The following MAP3K13 variants were observed in gnomAD, a reference collection of about 807,000 sequenced individuals.
MAP3K13 encodes mitogen-activated protein kinase kinase kinase 13.
A neutral mutation model predicts 104.0 loss-of-function variants in MAP3K13; 52 were observed. That is an observed-to-expected ratio of 0.50 (90% CI 0.40 to 0.63). MAP3K13 has a LOEUF of 0.63. MAP3K13 is among the 20% of genes least tolerant of loss of function. The pLI, the probability that MAP3K13 is intolerant of heterozygous loss-of-function variation, is 0.00. For synonymous variants in MAP3K13, 394 were observed against 442.2 expected (o/e 0.89, Z 1.37); for missense variants, 914 against 1,218.5 (o/e 0.75, Z 3.72).
intron 1 of MAP3K13, among the ~76,000 whole-genome samples, chr3:185,381,966 A>C (rs62290218): frequency 0.078 from 11,815 of 152,258 alleles, 591 homozygotes; most frequent in Admixed American, 0.14. Flanking sequence ...GCTATTATGA[A>C]TAACAAGACT....
At chr3:185,317,705 C>T (rs1360116224) in intron 2 of MAP3K13, among the ~76,000 whole-genome samples, 1 of 152,138 alleles carries the variant, frequency 6.6e-6, no homozygotes, top group African/African-American at 2.4e-5. Context: ...ATTGACCCTA[C>T]ATCGTGATAA....
intron 1 of MAP3K13, among the ~76,000 whole-genome samples, chr3:185,427,190 T>A (rs576941734): frequency 6.8e-4 from 84 of 123,336 alleles, no homozygotes; most frequent in Non-Finnish European, 1.2e-3. Flanking sequence ...CCGTCTCTAC[T>A]AAAAATACAA....
chr3:185,330,782 G>A (rs947769220), intron 2 of MAP3K13, among the ~76,000 whole-genome samples: 1 of 152,104 alleles, frequency 6.6e-6, no homozygotes, highest in Non-Finnish European at 1.5e-5. Flanking sequence ...ACCACTGCTC[G>A]TGCCCTACAA....
chr3:185,462,723 A>G (rs1333335138), intron 7 of MAP3K13, among the ~76,000 whole-genome samples: 1 of 152,216 alleles, frequency 6.6e-6, no homozygotes, highest in Non-Finnish European at 1.5e-5. Flanking sequence ...CAGTGAGCCG[A>G]TATCACGCCA....
intron 1 of MAP3K13, among the ~76,000 whole-genome samples, chr3:185,413,541 G>A (rs900567190): frequency 1.3e-5 from 2 of 152,212 alleles, no homozygotes; most frequent in Non-Finnish European, 2.9e-5. Flanking sequence ...ACAGAATGGG[G>A]CTGGGCGCGG....
At chr3:185,358,737 C>G (rs533256873), upstream of MAP3K13, among the ~76,000 whole-genome samples, 4 of 152,188 alleles carry the variant, frequency 2.6e-5, no homozygotes, top group African/African-American at 9.7e-5. Flanking sequence ...ATAGGGTTAA[C>G]ATTCTGATAT....
chr3:185,481,695 T>A (rs962992423), intron 13 of MAP3K13, among the ~76,000 whole-genome samples: 16 of 152,214 alleles, frequency 1.1e-4, no homozygotes, highest in Non-Finnish European at 8.8e-5. Flanking sequence ...CTGTGGGACC[T>A]GGCAAGCCAC....
intron 1 of MAP3K13, among the ~76,000 whole-genome samples, chr3:185,397,890 A>G (rs1291350107): frequency 6.6e-6 from 1 of 152,068 alleles, no homozygotes; most frequent in African/African-American, 2.4e-5. Context: ...GAGCCTGCCC[A>G]TATGCCAGTA....
chr3:185,334,169 C>T (rs1418273776), intron 2 of MAP3K13, among the ~76,000 whole-genome samples: 2 of 152,168 alleles, frequency 1.3e-5, no homozygotes, highest in African/African-American at 4.8e-5. Context: ...AACTTAACAA[C>T]TCAGAAATAG....
intron 1 of MAP3K13, among the ~76,000 whole-genome samples, chr3:185,284,243 A>T (rs1720422961): frequency 1.3e-5 from 2 of 152,062 alleles, no homozygotes; most frequent in African/African-American, 4.8e-5. Flanking sequence ...ATAATTGAGA[A>T]TATATCTTAT....
intron 7 of MAP3K13, among the ~76,000 whole-genome samples, chr3:185,459,447 T>TA (rs1184676277): frequency 6.6e-6 from 1 of 152,016 alleles, no homozygotes; most frequent in African/African-American, 2.4e-5. Flanking sequence ...TTTTAACCAT[T>TA]AAAAAAAATT....
intron 2 of MAP3K13, among the ~76,000 whole-genome samples, chr3:185,326,088 G>C (rs989874098): frequency 2.6e-5 from 4 of 152,064 alleles, no homozygotes; most frequent in Admixed American, 2.6e-4. Flanking sequence ...CAGTCACCCT[G>C]TTCTCTTATC....
intron 1 of MAP3K13, among the ~76,000 whole-genome samples, chr3:185,381,250 C>T (rs534916897): frequency 7.9e-5 from 12 of 152,296 alleles, no homozygotes; most frequent in Admixed American, 1.3e-4. Flanking sequence ...GCATGAGCCA[C>T]GGCGTCCAGC....
intron 1 of MAP3K13, among the ~76,000 whole-genome samples, chr3:185,369,319 G>A (rs1446479532): frequency 6.6e-6 from 1 of 152,196 alleles, no homozygotes; most frequent in Non-Finnish European, 1.5e-5. Flanking sequence ...ATCAAACAAA[G>A]GGGTCAGTGG....
At chr3:185,365,584 A>G (rs190495686) in intron 1 of MAP3K13, among the ~76,000 whole-genome samples, 3 of 152,324 alleles carry the variant, frequency 2.0e-5, no homozygotes, top group Admixed American at 2.0e-4. Flanking sequence ...AGCCAAGATG[A>G]CCAATTCTGC....
intron 2 of MAP3K13, among the ~76,000 whole-genome samples, chr3:185,353,176 G>A (rs1414235150): frequency 6.6e-6 from 1 of 152,180 alleles, no homozygotes; most frequent in Non-Finnish European, 1.5e-5. Flanking sequence ...ATAGTAAAGA[G>A]ATGACTATAG....
At chr3:185,303,374 A>G (rs970095941) in intron 2 of MAP3K13, among the ~76,000 whole-genome samples, 1 of 152,142 alleles carries the variant, frequency 6.6e-6, no homozygotes, top group Non-Finnish European at 1.5e-5. Flanking sequence ...ATTTTTTGAA[A>G]GAGTTTGAGA....
Position 185,423,895 on chromosome 3 carries a change from TG to T in MAP3K13, c.-85-4601del, listed in dbSNP as rs1235482496. 8.5e-5 allele frequency among the ~76,000 whole-genome samples: 13 copies of T among 152,184 alleles called. No homozygotes were observed. The East Asian group carries it at 2.5e-3, about 29-fold the overall frequency. On this transcript the variant is annotated intron_variant, in intron 1 of 13. Transcript: ENST00000265026. This position sits in a 1 kb window ranked among gnomAD's most constrained non-coding sequence, Gnocchi z 4.1. ...GCTTCCCTGCCTCTGCCAGTGCTCT[TG>T]TTCGCCCCTGATTTCCTTCCGTCTG...
In MAP3K13 at chr3:185,435,002, TTTG is replaced by T. The variant is rs373365308; in HGVS notation, c.476-2430_476-2428del. ...ATTTTTGTTTTTGTTTGTTTGTTTG[TTTG>T]TTGTTGTTGTTGTTTTGAGACAGAG... is the stretch of plus-strand genomic sequence containing the variant. On this transcript the variant is annotated intron_variant, in intron 2 of 13. Transcript: ENST00000265026. Among the ~76,000 whole-genome samples, 20 of 151,384 alleles carry T rather than the reference TTTG, an allele frequency of 1.3e-4. 1 individual carries two copies. Among genetic ancestry groups the T allele is most frequent in the South Asian group, 6.3e-4 (3 of 4,798 alleles).
Sources: allele counts gnomAD v4.1 joint callset (sites outside exome capture counted in the v4.1 genomes callset), GRCh38; gene constraint gnomAD v4.1.1; non-coding constraint Gnocchi (gnomAD v3.1); transcripts MANE v1.5; gene names NCBI Gene and HGNC (gene_info 2026-07-23, HGNC 2026-07-21).